DOCK8: variants seen among roughly 807,000 people sequenced by gnomAD.
DOCK8 encodes the protein dedicator of cytokinesis protein 8.
DOCK8 carries 141 observed loss-of-function variants against 245.6 expected under a neutral mutation model. That is an observed-to-expected ratio of 0.57 (90% confidence interval 0.50 to 0.66). DOCK8 has a LOEUF of 0.66. Ranked by LOEUF, DOCK8 falls within the 30% of genes least tolerant of loss-of-function variation. The probability of loss-of-function intolerance (pLI) is 0.00; values close to 1 mark genes in which losing one functional copy is unlikely to be tolerated. For synonymous variants in DOCK8, 1,168 were observed against 970.2 expected, an observed-to-expected ratio of 1.20 and a Z score of -3.79; for missense variants, 2,965 against 2,603.4, an observed-to-expected ratio of 1.14 and a Z score of -3.02.
chr9:317,749 A>G (rs1413697326), intron 7 of DOCK8, among the ~76,000 whole-genome samples: 3 of 152,200 alleles, frequency 2.0e-5, no homozygotes, highest in Non-Finnish European at 4.4e-5. Context: ...CCATCCAAAT[A>G]AACAGGCCCA....
At chr9:412,875 C>CTT (rs61309869) in intron 28 of DOCK8, among the ~76,000 whole-genome samples, 5,333 of 142,066 alleles carry the variant, frequency 0.038, 335 homozygotes, top group African/African-American at 0.13. Flanking sequence ...TTCTAGCTTG[C>CTT]TTTTTTTTTT....
chr9:238,183 C>T (rs1319467814), intron 1 of DOCK8, among the ~76,000 whole-genome samples: 1 of 152,176 alleles, frequency 6.6e-6, no homozygotes, highest in East Asian at 1.9e-4. Context: ...TTGCTACTAA[C>T]AGAAAGCAGG....
chr9:255,774 T>G (rs2047758632), intron 1 of DOCK8, among the ~76,000 whole-genome samples: 1 of 152,070 alleles, frequency 6.6e-6, no homozygotes, highest in African/African-American at 2.4e-5. Context: ...GAAGAATAAT[T>G]TATACTCATT....
At chr9:463,007 C>A (rs1320940166) in intron 46 of DOCK8, among the ~76,000 whole-genome samples, 2 of 152,182 alleles carry the variant, frequency 1.3e-5, no homozygotes, top group South Asian at 2.1e-4. Flanking sequence ...GCATGTAAAA[C>A]TTCTTGAAAC....
intron 9 of DOCK8, among the ~76,000 whole-genome samples, chr9:329,953 C>G (rs2050933433): frequency 6.6e-6 from 1 of 152,184 alleles, no homozygotes; most frequent in African/African-American, 2.4e-5. Flanking sequence ...GTTTGCTTTT[C>G]TTTATCGTAA....
chr9:442,091 A>G, intron 42 of DOCK8, 82 bp downstream of exon 42: 1 of 1,567,304 alleles, frequency 6.4e-7, no homozygotes, highest in Admixed American at 1.7e-5. Context: ...AAATAAACAA[A>G]TAAAGAGTTA....
At chr9:270,391 A>G (rs1220437940) in intron 1 of DOCK8, among the ~76,000 whole-genome samples, 2 of 151,804 alleles carry the variant, frequency 1.3e-5, no homozygotes, top group Admixed American at 1.3e-4. Flanking sequence ...TTATGTGCCC[A>G]CTCTTTTGAT....
intron 46 of DOCK8, among the ~76,000 whole-genome samples, chr9:462,189 CCT>C (rs1362068900): frequency 6.6e-6 from 1 of 151,856 alleles, no homozygotes; most frequent in Non-Finnish European, 1.5e-5. Context: ...GCTCATATGC[CCT>C]GATTGAGAAT....
chr9:276,042 C>T (rs190543285), intron 2 of DOCK8, among the ~76,000 whole-genome samples: 8 of 152,032 alleles, frequency 5.3e-5, no homozygotes, highest in South Asian at 2.1e-4. Flanking sequence ...AGGCAGCTGC[C>T]GCCATGTCTG....
chr9:227,790 A>G (rs932224966), intron 1 of DOCK8, among the ~76,000 whole-genome samples: 1 of 152,162 alleles, frequency 6.6e-6, no homozygotes, highest in East Asian at 1.9e-4. Context: ...GGAAAGTATA[A>G]GGGGAAGAGA....
chr9:229,725 CAG>C (rs993988212), intron 1 of DOCK8, among the ~76,000 whole-genome samples: 2 of 151,990 alleles, frequency 1.3e-5, no homozygotes, highest in East Asian at 1.9e-4. Flanking sequence ...AAAATAGAGA[CAG>C]AGAGACTAAC....
chr9:359,621 G>A (rs2052621902), intron 14 of DOCK8, among the ~76,000 whole-genome samples: 2 of 152,110 alleles, frequency 1.3e-5, no homozygotes, highest in African/African-American at 4.8e-5. Context: ...ATAATCAGAA[G>A]ATGTTACTGA....
At chr9:286,675 TC>T (rs2048837361) in intron 3 of DOCK8, 39 bp downstream of exon 3, 1 of 1,603,292 alleles carries the variant, frequency 6.2e-7, no homozygotes, top group African/African-American at 1.3e-5. Flanking sequence ...ATTGGGATTG[TC>T]ATGATTGTTT....
chr9:224,977 T>G (rs2046960809), intron 1 of DOCK8, among the ~76,000 whole-genome samples: 1 of 152,194 alleles, frequency 6.6e-6, no homozygotes, highest in Non-Finnish European at 1.5e-5. Context: ...ATCTTACTCT[T>G]TCATTCCAAA....
At chr9:447,313 C>A (rs970379857) in intron 44 of DOCK8, among the ~76,000 whole-genome samples, 1 of 152,146 alleles carries the variant, frequency 6.6e-6, no homozygotes, top group Non-Finnish European at 1.5e-5. Context: ...ACTTATTTGT[C>A]GTCCTTTTTA....
intron 15 of DOCK8, chr9:370,008 G>C (rs1460199204): frequency 1.7e-6 from 1 of 585,972 alleles, no homozygotes; most frequent in Admixed American, 2.8e-5. Context: ...TCGCCATGTT[G>C]CCCAGGCTGG....
At chr9:455,188 G>A (rs1335204566) in intron 46 of DOCK8, among the ~76,000 whole-genome samples, 1 of 152,156 alleles carries the variant, frequency 6.6e-6, no homozygotes, top group African/African-American at 2.4e-5. Flanking sequence ...CACGTCACCT[G>A]AGGATTTGTC....
chr9:368,820 C>CTTTTTTTTTTT (rs71314707), intron 15 of DOCK8: 1 of 94,456 alleles, frequency 1.1e-5, no homozygotes, highest in African/African-American at 3.8e-5. Flanking sequence ...TTCTTTTTTT[C>CTTTTTTTTTTT]TTTTTTTTTT....
intron 2 of DOCK8, among the ~76,000 whole-genome samples, chr9:282,027 T>C (rs1311658608): frequency 1.3e-5 from 2 of 152,248 alleles, no homozygotes; most frequent in African/African-American, 2.4e-5. Flanking sequence ...TTTATGACTT[T>C]ATCATCAACT....
Sources: gnomAD v4.1 joint callset for allele counts (sites outside exome capture counted in the v4.1 genomes callset) on GRCh38, gnomAD v4.1.1 for gene constraint, MANE v1.5 for transcripts, NCBI Gene and HGNC (gene_info 2026-07-23, HGNC 2026-07-21) for gene names.